The following KIF26A variants were observed in gnomAD, a reference collection of about 807,000 sequenced individuals.
KIF26A encodes the protein kinesin family member 26A, also known as kinesin-like protein KIF26A.
Under a neutral mutation model 126.0 loss-of-function variants are expected in KIF26A, and 74 were observed. That is an observed-to-expected ratio of 0.59 (90% CI 0.49 to 0.71). The LOEUF is 0.71. KIF26A is among the 30% of genes least tolerant of loss of function. KIF26A has a pLI of 0.00. For missense variants in KIF26A, 2,984 were observed against 2,763.3 expected (o/e 1.08, Z -1.79); for synonymous variants, 1,445 against 1,232.7 (o/e 1.17, Z -3.61).
chr14:104,164,045 C>T (rs185388561), intron 4 of KIF26A, among the ~76,000 whole-genome samples: 137 of 152,294 alleles, frequency 9.0e-4, no homozygotes, highest in East Asian at 3.1e-3. Context: ...TTACTTTCCA[C>T]GATGACACCT....
At chr14:104,139,400 ACAAAGAGT>A in intron 2 of KIF26A, 112 bp downstream of exon 2, 1 of 1,266,792 alleles carries the variant, frequency 7.9e-7, no homozygotes, top group Non-Finnish European at 1.0e-6. Flanking sequence ...TGCTGTTTCC[ACAAAGAGT>A]TATCAGCCAG....
At chr14:104,169,748 C>G (rs932703246) in intron 5 of KIF26A, among the ~76,000 whole-genome samples, 2 of 152,244 alleles carry the variant, frequency 1.3e-5, no homozygotes, top group Non-Finnish European at 2.9e-5. Context: ...CCTTCCCCCT[C>G]CCTGCCTGGG....
chr14:104,147,550 G>C (rs2037690780), intron 2 of KIF26A, among the ~76,000 whole-genome samples: 1 of 152,290 alleles, frequency 6.6e-6, no homozygotes, highest in East Asian at 1.9e-4. Context: ...GGCAGGAGGG[G>C]CACCGGGGCA....
rs768575467 is a variant in KIF26A at position 104,177,917 on chromosome 14, A to G, written c.5110+19A>G. On this transcript the variant is annotated intron_variant, in intron 12 of 14. Coordinates refer to ENST00000423312, the MANE Select transcript of KIF26A (RefSeq NM_015656.2). ...GCCACAGGTGGGTGCAGAGGTGCAC[A>G]GCCCTCTACAGTTTACGGGCTTTCT... 8 of 1,484,854 alleles carry G rather than the reference A, an allele frequency of 5.4e-6. No homozygotes were observed. Among genetic ancestry groups the G allele is most frequent in the Non-Finnish European group, 6.2e-6 (7 of 1,126,180 alleles). The allele number at this position is 1,484,854 out of a possible 1,614,324, so 92.0% of individuals were successfully genotyped here. A position where few individuals can be genotyped will look rare whatever the true frequency, so the allele number is the denominator to read the frequency against.
rs2141120995 is a variant in KIF26A at position 104,177,688 on chromosome 14, A to G, written c.4900A>G (p.Ser1634Gly). ...RYSSGHGSDN[S>G]SVLSGELPPA... ...CAGCAGCGGCCATGGCAGCGACAAC[A>G]GCAGCGTGCTGAGTGGAGAGCTGCC... Residue 1634 changes from serine (S) to glycine (G), a missense_variant, in exon 12 of 15, where the codon AGC (serine) becomes GGC (glycine). By Grantham distance (56) the Ser-to-Gly change is moderately conservative. Coordinates refer to ENST00000423312, the MANE Select transcript of KIF26A (RefSeq NM_015656.2). 6.5e-7 allele frequency: 1 copy of G among 1,531,142 alleles called. No individual in the cohort carries two copies. Among genetic ancestry groups the G allele is most frequent in the East Asian group, 2.5e-5 (1 of 40,756 alleles). 94.8% of individuals were successfully genotyped at this position (1,531,142 alleles called of 1,614,324 possible).
At chr14:104,147,617 C>T (rs548158503) in intron 2 of KIF26A, among the ~76,000 whole-genome samples, 3 of 152,340 alleles carry the variant, frequency 2.0e-5, no homozygotes, top group African/African-American at 4.8e-5. Flanking sequence ...CCTTGCCCCC[C>T]GCCCTGATGG....
intron 3 of KIF26A, among the ~76,000 whole-genome samples, chr14:104,157,463 C>A (rs1249763120): frequency 6.6e-6 from 1 of 152,110 alleles, no homozygotes; most frequent in Non-Finnish European, 1.5e-5. Context: ...GCTTCTGGAC[C>A]ACCATCTGCC....
chr14:104,172,755 G>A (rs1182915720), intron 7 of KIF26A, 87 bp downstream of exon 7: 1 of 1,182,232 alleles, frequency 8.5e-7, no homozygotes, highest in East Asian at 2.5e-5. Context: ...CTTCTGATGG[G>A]AAAGGAGGCT....
chr14:104,145,619 G>C (rs1375020325), intron 2 of KIF26A, among the ~76,000 whole-genome samples: 3 of 152,342 alleles, frequency 2.0e-5, no homozygotes, highest in Middle Eastern at 3.4e-3. Context: ...TTCTGGCGGA[G>C]GTGCCGCATG....
intron 2 of KIF26A, among the ~76,000 whole-genome samples, chr14:104,144,858 C>T (rs534109883): frequency 1.6e-4 from 25 of 152,334 alleles, no homozygotes; most frequent in Admixed American, 1.4e-3. Flanking sequence ...GTGGACTGAC[C>T]GTGCCTTGGT....
In KIF26A at chr14:104,174,155, A is replaced by G. The variant is rs760332280; in HGVS notation, c.2038A>G (p.Arg680Gly). The change falls in exon 11 of 15, where the codon AGG becomes GGG. Residue 680 changes from arginine to glycine, a missense_variant. By Grantham distance (125) the Arg-to-Gly change is moderately radical. Transcript: ENST00000423312. Reference protein sequence around the residue: ...GAKHVPYRDHRLTMLLRESLA... With the variant: ...GAKHVPYRDHGLTMLLRESLA... Reference sequence around the variant, plus strand: ...AACCGCCTCGACCCGCAGGGACCACAGGCTCACCATGCTGCTGCGTGAATC... The same window carrying G: ...AACCGCCTCGACCCGCAGGGACCACGGGCTCACCATGCTGCTGCGTGAATC... 1.3e-6 allele frequency: 2 copies of G among 1,572,942 alleles called. No individual in the cohort carries two copies. Among genetic ancestry groups the G allele is most frequent in the Admixed American group, 3.5e-5 (2 of 56,364 alleles).
intron 2 of KIF26A, among the ~76,000 whole-genome samples, chr14:104,144,587 T>G (rs1300983322): frequency 6.6e-6 from 1 of 152,158 alleles, no homozygotes; most frequent in Non-Finnish European, 1.5e-5. Context: ...AAGAGCTGGT[T>G]TTTCCCTTAA....
intron 2 of KIF26A, among the ~76,000 whole-genome samples, chr14:104,139,558 G>A (rs1365033303): frequency 1.3e-5 from 2 of 152,196 alleles, no homozygotes; most frequent in Non-Finnish European, 2.9e-5. Flanking sequence ...TCCCACAGCT[G>A]GAACGCAGGT....
At chr14:104,141,227 C>T (rs2037634443) in intron 2 of KIF26A, among the ~76,000 whole-genome samples, 2 of 152,190 alleles carry the variant, frequency 1.3e-5, no homozygotes, top group Admixed American at 6.5e-5. Context: ...CCAGTGTGCT[C>T]CCCGGAGTCT....
intron 12 of KIF26A, among the ~76,000 whole-genome samples, chr14:104,178,220 G>A (rs1485168642): frequency 2.0e-5 from 3 of 152,210 alleles, no homozygotes; most frequent in Non-Finnish European, 2.9e-5. Flanking sequence ...CACTGGACTC[G>A]GGTTTGGGTC....
chr14:104,164,753 G>C (rs116427494), intron 4 of KIF26A, among the ~76,000 whole-genome samples: 1 of 147,386 alleles, frequency 6.8e-6, no homozygotes, highest in African/African-American at 2.6e-5. Flanking sequence ...GTGTCTGTGT[G>C]TGTGCGCGTG....
intron 3 of KIF26A, 92 bp from the exon 4 acceptor site, chr14:104,157,663 G>T: frequency 7.3e-7 from 1 of 1,364,688 alleles, no homozygotes; most frequent in South Asian, 1.4e-5. Flanking sequence ...GGGCTCTGGG[G>T]TGCCCAGGCC....
chr14:104,143,499 TC>T (rs1215701490), intron 2 of KIF26A, among the ~76,000 whole-genome samples: 1 of 152,178 alleles, frequency 6.6e-6, no homozygotes, highest in African/African-American at 2.4e-5. Context: ...AGCTTTTCGT[TC>T]CTCCTCTGTC....
At chr14:104,141,022 T>TG (rs2037632743) in intron 2 of KIF26A, among the ~76,000 whole-genome samples, 1 of 152,126 alleles carries the variant, frequency 6.6e-6, no homozygotes, top group Non-Finnish European at 1.5e-5. Context: ...CCACAGGGCA[T>TG]GGGGGGCTGC....
Sources: allele counts gnomAD v4.1 joint callset (sites outside exome capture counted in the v4.1 genomes callset), GRCh38; gene constraint gnomAD v4.1.1; transcripts MANE v1.5; gene names NCBI Gene and HGNC (gene_info 2026-07-23, HGNC 2026-07-21).